The following ZNF273 variants were observed in gnomAD, a reference collection of about 807,000 sequenced individuals.
ZNF273 encodes zinc finger protein 9.
In ZNF273, 11 loss-of-function variants were observed where a neutral mutation model predicts 14.9. The ratio of observed to expected loss-of-function variants is 0.74; its 90% CI spans 0.46 to 1.22. The LOEUF (loss-of-function observed/expected upper bound fraction) is 1.22. Ranked by LOEUF, ZNF273 falls within the 50% of genes most tolerant of loss-of-function variation. ZNF273 has a pLI of 0.00. For synonymous variants in ZNF273, 199 were observed against 223.9 expected (o/e 0.89, Z 0.99); for missense variants, 577 against 660.6 (o/e 0.87, Z 1.39).
intron 1 of ZNF273, among the ~76,000 whole-genome samples, chr7:64,886,573 A>G (rs958983015): frequency 5.9e-5 from 9 of 152,214 alleles, no homozygotes; most frequent in Admixed American, 2.0e-4. Flanking sequence ...GAGCCTGCAG[A>G]GTCAATGTGC....
downstream of ZNF273, chr7:64,889,317 C>G (rs1189010402): frequency 2.1e-6 from 2 of 964,764 alleles, no homozygotes; most frequent in African/African-American, 3.5e-5. This position sits in a 1 kb window ranked among gnomAD's most constrained non-coding sequence, Gnocchi z 4.2. Context: ...GTGCCTGAGC[C>G]GTACCCACCG....
downstream of ZNF273, chr7:64,889,880 T>C (rs981591923): frequency 1.1e-5 from 6 of 559,176 alleles, no homozygotes; most frequent in African/African-American, 1.2e-4. This position sits in a 1 kb window ranked among gnomAD's most constrained non-coding sequence, Gnocchi z 4.2. Context: ...TCGGCTTCTT[T>C]TGCTGGCAGT....
chr7:64,883,864 G>A (rs549015052), downstream of ZNF273, among the ~76,000 whole-genome samples: 6 of 152,278 alleles, frequency 3.9e-5, no homozygotes, highest in Middle Eastern at 3.4e-3. Context: ...CACAGAGGAC[G>A]ACCCTCATGG....
chr7:64,931,012 T>TCTAA (rs1049890418), downstream of ZNF273: 36 of 152,272 alleles, frequency 2.4e-4, 1 homozygote, highest in African/African-American at 7.5e-4. Flanking sequence ...ATATTTTTCT[T>TCTAA]CTAACATGTG....
intron 2 of ZNF273, chr7:64,879,393 T>C (rs1426054721): frequency 2.6e-5 from 4 of 152,258 alleles, no homozygotes; most frequent in African/African-American, 7.2e-5. Context: ...GATTTTCCTT[T>C]GCTTTTATGG....
intron 1 of ZNF273, among the ~76,000 whole-genome samples, chr7:64,909,841 T>TTTG (rs1562957992): frequency 6.6e-6 from 1 of 152,064 alleles, no homozygotes; most frequent in African/African-American, 2.4e-5. Flanking sequence ...CATCGTTTTT[T>TTTG]TTTGTTTGTT....
At chr7:64,909,300 C>T (rs1793326066) in intron 1 of ZNF273, among the ~76,000 whole-genome samples, 1 of 151,942 alleles carries the variant, frequency 6.6e-6, no homozygotes, top group African/African-American at 2.4e-5. Context: ...TATTGGCTCA[C>T]TGCAGCCTCC....
chr7:64,924,316 A>G (rs1376584683), intron 3 of ZNF273: 1 of 152,214 alleles, frequency 6.6e-6, no homozygotes, highest in Non-Finnish European at 1.5e-5. Flanking sequence ...TGAGTTTTGT[A>G]TACCTATGTT....
chr7:64,934,029 G>A (rs894593420), downstream of ZNF273, among the ~76,000 whole-genome samples: 1 of 151,948 alleles, frequency 6.6e-6, no homozygotes, highest in Admixed American at 6.6e-5. Flanking sequence ...TATGTACCTG[G>A]GATTACAGGC....
upstream of ZNF273, among the ~76,000 whole-genome samples, chr7:64,902,693 G>A (rs550179606): frequency 5.9e-4 from 89 of 151,264 alleles, no homozygotes; most frequent in Non-Finnish European, 2.2e-4. Context: ...CTGGAAGACA[G>A]AGCGAGACTC....
chr7:64,928,587 A>T lies in ZNF273; in HGVS notation c.1259A>T (p.His420Leu). 3 of 1,613,706 alleles carry T rather than the reference A, an allele frequency of 1.9e-6. No individual in the cohort carries two copies. Among genetic ancestry groups the T allele is most frequent in the Non-Finnish European group, 2.5e-6 (3 of 1,179,836 alleles). ...AAACGGTCCACAACTCTTACTAAACATAAGAGAATTTATACTAAAGAGAAA... is the reference window on the plus strand; with the variant it reads ...AAACGGTCCACAACTCTTACTAAACTTAAGAGAATTTATACTAAAGAGAAA... The part of the protein sequence containing the change: ...AFKRSTTLTK[H>L]KRIYTKEKPY... The change falls in exon 4 of 4, where the codon CAT (histidine) becomes CTT (leucine). Residue 420 changes from histidine to leucine, a missense_variant. By Grantham distance (99) the His-to-Leu change is moderately conservative. Coordinates refer to ENST00000476120, the MANE Select transcript of ZNF273 (RefSeq NM_021148.3).
intron 1 of ZNF273, among the ~76,000 whole-genome samples, chr7:64,911,386 C>G (rs1463134001): frequency 6.6e-6 from 1 of 151,722 alleles, no homozygotes; most frequent in Non-Finnish European, 1.5e-5. Context: ...GCTCCAGCCT[C>G]CCAAATAGCT....
At chr7:64,884,647 T>G (rs1252334546), downstream of ZNF273, among the ~76,000 whole-genome samples, 1 of 152,090 alleles carries the variant, frequency 6.6e-6, no homozygotes, top group Non-Finnish European at 1.5e-5. Flanking sequence ...ACTGACACCC[T>G]CCTCTGGGGT....
intron 1 of ZNF273, among the ~76,000 whole-genome samples, chr7:64,907,166 G>C (rs563328580): frequency 3.7e-4 from 56 of 152,046 alleles, no homozygotes; most frequent in Non-Finnish European, 7.1e-4. Flanking sequence ...TTTTTTGTTT[G>C]TTTGTTGTTT....
At chr7:64,932,448 A>G, downstream of ZNF273, among the ~76,000 whole-genome samples, 1 of 152,040 alleles carries the variant, frequency 6.6e-6, no homozygotes, top group East Asian at 2.0e-4. Context: ...CTTAGATTAC[A>G]GGCATGTGCC....
chr7:64,882,313 CA>C (rs1308633322), downstream of ZNF273, among the ~76,000 whole-genome samples: 1 of 129,374 alleles, frequency 7.7e-6, no homozygotes, highest in Non-Finnish European at 1.6e-5. Flanking sequence ...CCTCCTCCTC[CA>C]GGGGGAGCCG....
At chr7:64,931,522 A>G (rs1794992727), downstream of ZNF273, among the ~76,000 whole-genome samples, 1 of 152,184 alleles carries the variant, frequency 6.6e-6, no homozygotes. Context: ...TAGTCTATTA[A>G]GTTATATTTT....
At chr7:64,901,123 C>A (rs1332448769), upstream of ZNF273, among the ~76,000 whole-genome samples, 1 of 152,092 alleles carries the variant, frequency 6.6e-6, no homozygotes. Flanking sequence ...ATACCTTAGC[C>A]TCCCGAGTTG....
At chr7:64,910,401 T>C (rs75574935) in intron 1 of ZNF273, among the ~76,000 whole-genome samples, 6,419 of 152,308 alleles carry the variant, frequency 0.042, 158 homozygotes, top group Middle Eastern at 0.079. Context: ...TAGTACTAGC[T>C]AGTTATTCCA....
Sources: allele counts gnomAD v4.1 joint callset (sites outside exome capture counted in the v4.1 genomes callset), GRCh38; gene constraint gnomAD v4.1.1; non-coding constraint Gnocchi (gnomAD v3.1); transcripts MANE v1.5; gene names NCBI Gene and HGNC (gene_info 2026-07-23, HGNC 2026-07-21).